The following RIN3 variants were observed in gnomAD, a reference collection of about 807,000 sequenced individuals.
RIN3 encodes the protein Ras and Rab interactor 3, also known as RAB5 interacting protein 3.
In RIN3, 54 loss-of-function variants were observed where a neutral mutation model predicts 76.3. The observed-to-expected ratio is 0.71, with a 90% CI of 0.57 to 0.89. The LOEUF is 0.89. Ranked by LOEUF, RIN3 falls within the 40% of genes least tolerant of loss-of-function variation. The pLI is 0.00. For synonymous variants in RIN3, 576 were observed against 564.0 expected (o/e 1.02, Z -0.30); for missense variants, 1,256 against 1,322.1 (o/e 0.95, Z 0.78).
chr14:92,644,025 G>C (rs1030554252), intron 5 of RIN3, among the ~76,000 whole-genome samples: 7 of 151,984 alleles, frequency 4.6e-5, no homozygotes, highest in African/African-American at 1.7e-4. Context: ...TCTGTCCTCA[G>C]CGGTTCTTGA....
chr14:92,580,095 C>T (rs150322783), intron 3 of RIN3, among the ~76,000 whole-genome samples: 159 of 152,328 alleles, frequency 1.0e-3, no homozygotes, highest in African/African-American at 3.7e-3. Flanking sequence ...AAACACAACT[C>T]GCTGGGCACA....
At chr14:92,593,674 A>G (rs960419670) in intron 3 of RIN3, among the ~76,000 whole-genome samples, 1 of 152,182 alleles carries the variant, frequency 6.6e-6, no homozygotes, top group African/African-American at 2.4e-5. Context: ...CATGTACCCT[A>G]GAACTTAAAG....
intron 8 of RIN3, among the ~76,000 whole-genome samples, chr14:92,678,042 C>T (rs1315061363): frequency 6.7e-6 from 1 of 150,268 alleles, no homozygotes; most frequent in Non-Finnish European, 1.5e-5. Context: ...CATCCATCTA[C>T]CCACCAATCC....
At chr14:92,612,969 A>AG (rs1264600952) in intron 3 of RIN3, among the ~76,000 whole-genome samples, 3 of 152,200 alleles carry the variant, frequency 2.0e-5, no homozygotes, top group African/African-American at 4.8e-5. Flanking sequence ...GTAAAGTGCC[A>AG]GGGGGCACAG....
chr14:92,664,370 T>TC (rs1887998533), intron 7 of RIN3, among the ~76,000 whole-genome samples: 1 of 136,344 alleles, frequency 7.3e-6, no homozygotes, highest in Non-Finnish European at 1.6e-5. Flanking sequence ...CTTTCTTTTT[T>TC]TTTTTTTTTT....
chr14:92,625,906 C>T (rs1349282637), intron 4 of RIN3, among the ~76,000 whole-genome samples: 1 of 152,118 alleles, frequency 6.6e-6, no homozygotes, highest in Non-Finnish European at 1.5e-5. Context: ...CTCTCTGGAC[C>T]GGTTTTTTGT....
chr14:92,672,326 C>A (rs777014153), intron 7 of RIN3, among the ~76,000 whole-genome samples: 2 of 152,096 alleles, frequency 1.3e-5, no homozygotes, highest in Non-Finnish European at 2.9e-5. Flanking sequence ...ACAGGAGAAT[C>A]GCCTGAACCT....
At chr14:92,638,387 C>T (rs185031871) in intron 4 of RIN3, among the ~76,000 whole-genome samples, 5 of 152,228 alleles carry the variant, frequency 3.3e-5, no homozygotes, top group Admixed American at 6.5e-5. Context: ...GGGGGCAAGC[C>T]GGAAAGGCAG....
At chr14:92,665,723 T>A (rs1453775331) in intron 7 of RIN3, among the ~76,000 whole-genome samples, 53 of 152,154 alleles carry the variant, frequency 3.5e-4, no homozygotes, top group African/African-American at 1.3e-3. Context: ...GGATACTGTT[T>A]TTTTTCCCCC....
At chr14:92,604,635 C>G (rs2140092319) in intron 3 of RIN3, among the ~76,000 whole-genome samples, 1 of 152,268 alleles carries the variant, frequency 6.6e-6, no homozygotes. Context: ...ATCCTAATCT[C>G]TCCATTGTAA....
chr14:92,627,705 C>T (rs1301171409), intron 4 of RIN3, among the ~76,000 whole-genome samples: 1 of 151,978 alleles, frequency 6.6e-6, no homozygotes, highest in African/African-American at 2.4e-5. Context: ...GTCCCAATCT[C>T]TAGCCCTTGA....
intron 3 of RIN3, among the ~76,000 whole-genome samples, chr14:92,609,943 T>C (rs1407539720): frequency 1.3e-4 from 20 of 152,102 alleles, no homozygotes; most frequent in Admixed American, 1.3e-3. Context: ...TTATTTAATG[T>C]ATCAATATCT....
At chr14:92,544,414 T>TGGGGGGGGGGGGGGTGGGGGGGGGGG (rs1897200523) in intron 1 of RIN3, among the ~76,000 whole-genome samples, 1 of 74,546 alleles carries the variant, frequency 1.3e-5, no homozygotes, top group Non-Finnish European at 2.4e-5. Context: ...GTGACAGCTG[T>TGGGGGGGGGGGGGGTGGGGGGGGGGG]GGGGGGGGGG....
intron 7 of RIN3, among the ~76,000 whole-genome samples, chr14:92,672,660 A>ATG (rs57611104): frequency 0.03 from 4,463 of 148,408 alleles, 102 homozygotes; most frequent in Admixed American, 0.083. Context: ...ATGTGTGTGC[A>ATG]TGTGTGTGTG....
chr14:92,684,483 G>T (rs1159952805), intron 8 of RIN3, among the ~76,000 whole-genome samples: 3 of 151,568 alleles, frequency 2.0e-5, no homozygotes, highest in Non-Finnish European at 4.4e-5. Context: ...GTAAAAAACA[G>T]GTTGGTTATA....
Position 92,652,860 on chromosome 14 carries a change from A to T in RIN3, c.1811A>T (p.Lys604Met). The T allele has an allele frequency of 6.2e-7, 1 of 1,614,128 alleles. No individual in the cohort carries two copies. Among genetic ancestry groups the T allele is most frequent in the South Asian group, 1.1e-5 (1 of 91,088 alleles). Reference sequence around the variant, plus strand: ...TCCAACAACCGCAAGCTGTACAAGAAGGTGGTGGAGCTGGCGCAGGACAAG... The same window carrying T: ...TCCAACAACCGCAAGCTGTACAAGATGGTGGTGGAGCTGGCGCAGGACAAG... ...FLSNNRKLYK[K>M]VVELAQDKGS... Residue 604 changes from lysine to methionine, a missense_variant, in exon 6 of 10, where the codon AAG becomes ATG. Physicochemically the swap from Lys to Met is moderately conservative, Grantham distance 95. Coordinates refer to ENST00000216487, the MANE Select transcript of RIN3 (RefSeq NM_024832.5). The surrounding 1 kb of genome is among the most constrained non-coding windows in gnomAD (Gnocchi z 6.4).
At chr14:92,539,508 C>A (rs1897085064) in intron 1 of RIN3, among the ~76,000 whole-genome samples, 1 of 152,150 alleles carries the variant, frequency 6.6e-6, no homozygotes, top group African/African-American at 2.4e-5. Flanking sequence ...GTTCTCAAGC[C>A]CATGCTTAAA....
At chr14:92,630,632 G>A (rs1886541352) in intron 4 of RIN3, among the ~76,000 whole-genome samples, 7 of 152,210 alleles carry the variant, frequency 4.6e-5, no homozygotes, top group Admixed American at 4.6e-4. Flanking sequence ...GCTCACTGCT[G>A]TCACTGTTCA....
intron 7 of RIN3, among the ~76,000 whole-genome samples, chr14:92,665,061 C>T (rs965615937): frequency 5.9e-5 from 9 of 152,100 alleles, no homozygotes; most frequent in African/African-American, 1.9e-4. Flanking sequence ...TAGACAATTT[C>T]ATTGTTGTGC....
Sources: allele counts gnomAD v4.1 joint callset (sites outside exome capture counted in the v4.1 genomes callset), GRCh38; gene constraint gnomAD v4.1.1; non-coding constraint Gnocchi (gnomAD v3.1); transcripts MANE v1.5; gene names NCBI Gene and HGNC (gene_info 2026-07-23, HGNC 2026-07-21).